Variants in LRRIQ1 observed in about 807,000 individuals in gnomAD.
LRRIQ1 encodes leucine rich repeats and IQ motif containing 1, also known as leucine-rich repeat- and IQ domain-containing protein 1.
Under a neutral mutation model 211.9 loss-of-function variants are expected in LRRIQ1, and 210 were observed. The observed-to-expected ratio is 0.99, with a 90% CI of 0.89 to 1.11. The LOEUF (loss-of-function observed/expected upper bound fraction) is 1.11, where lower values mean the gene tolerates loss of function less well. Ranked by LOEUF, LRRIQ1 falls within the 50% of genes most tolerant of loss-of-function variation. The pLI, the probability that LRRIQ1 is intolerant of heterozygous loss-of-function variation, is 0.00. For synonymous variants in LRRIQ1, 699 were observed against 650.1 expected (o/e 1.08, Z -1.14); for missense variants, 2,136 against 1,939.5 (o/e 1.10, Z -1.90).
At chr12:85,164,739 A>G (rs1233570489) in intron 24 of LRRIQ1, among the ~76,000 whole-genome samples, 1 of 152,202 alleles carries the variant, frequency 6.6e-6, no homozygotes, top group Non-Finnish European at 1.5e-5. Context: ...CAAGGTTTCT[A>G]CATAGAAAAC....
At chr12:85,054,361 C>T (rs1340030732) in intron 7 of LRRIQ1, among the ~76,000 whole-genome samples, 2 of 152,164 alleles carry the variant, frequency 1.3e-5, no homozygotes, top group Non-Finnish European at 2.9e-5. Flanking sequence ...AAAAGGAGCA[C>T]AGTAAAACTA....
chr12:85,202,230 A>AC (rs1213146710), intron 24 of LRRIQ1, among the ~76,000 whole-genome samples: 1 of 152,120 alleles, frequency 6.6e-6, no homozygotes, highest in Admixed American at 6.6e-5. Context: ...GTTTTAGAGT[A>AC]TGTGCCATAA....
At chr12:85,057,337 G>A (rs1420637413) in intron 8 of LRRIQ1, among the ~76,000 whole-genome samples, 153 bp downstream of exon 8, 1 of 151,872 alleles carries the variant, frequency 6.6e-6, no homozygotes, top group African/African-American at 2.4e-5. Context: ...ATTTGGGAGG[G>A]GATATATCTC....
At chr12:85,159,017 T>A (rs1009663985) in intron 23 of LRRIQ1, among the ~76,000 whole-genome samples, 2 of 152,024 alleles carry the variant, frequency 1.3e-5, no homozygotes, top group Non-Finnish European at 2.9e-5. Context: ...CTTATAATTA[T>A]CCCTTTGCAA....
At chr12:85,202,347 T>G (rs1337642954) in intron 24 of LRRIQ1, among the ~76,000 whole-genome samples, 1 of 152,184 alleles carries the variant, frequency 6.6e-6, no homozygotes, top group Non-Finnish European at 1.5e-5. Flanking sequence ...ATCTTTGTTT[T>G]CTGCCTTAAC....
the LRRIQ1 span, among the ~76,000 whole-genome samples, chr12:85,269,699 G>C: frequency 3.9e-5 from 6 of 151,962 alleles, no homozygotes; most frequent in Non-Finnish European, 7.4e-5. Flanking sequence ...GGAGCACTAT[G>C]ATGAGTCCTC....
chr12:85,047,048 T>C (rs1000025068), intron 5 of LRRIQ1, among the ~76,000 whole-genome samples, 199 bp from the exon 6 acceptor site: 21 of 151,854 alleles, frequency 1.4e-4, no homozygotes, highest in African/African-American at 3.9e-4. Flanking sequence ...ATATACCTAA[T>C]GTAAATGATG....
intron 24 of LRRIQ1, among the ~76,000 whole-genome samples, chr12:85,211,199 T>C (rs771115192): frequency 2.0e-5 from 3 of 152,208 alleles, no homozygotes; most frequent in Admixed American, 6.5e-5. Context: ...AGTCATGATA[T>C]AGAAAAACTT....
At chr12:85,080,125 G>T (rs1322748835) in intron 11 of LRRIQ1, among the ~76,000 whole-genome samples, 1 of 151,976 alleles carries the variant, frequency 6.6e-6, no homozygotes, top group African/African-American at 2.4e-5. Flanking sequence ...TTGAGGTATA[G>T]ACTTACCATT....
intron 1 of LRRIQ1, among the ~76,000 whole-genome samples, chr12:85,037,573 C>A (rs140779921): frequency 6.7e-6 from 1 of 150,148 alleles, no homozygotes; most frequent in African/African-American, 2.5e-5. Flanking sequence ...ATGGGTAGAA[C>A]TGATTTTGAG....
At chr12:85,146,045 G>C (rs1221121986) in intron 19 of LRRIQ1, among the ~76,000 whole-genome samples, 1 of 151,678 alleles carries the variant, frequency 6.6e-6, no homozygotes, top group East Asian at 1.9e-4. Flanking sequence ...ATGCAATTAA[G>C]GTTACTATCA....
chr12:85,269,014 GA>G (rs1280709146), downstream of LRRIQ1, among the ~76,000 whole-genome samples: 1 of 151,922 alleles, frequency 6.6e-6, no homozygotes, highest in Non-Finnish European at 1.5e-5. Flanking sequence ...AACTGACATT[GA>G]AGGATGAATT....
chr12:85,154,265 A>G (rs1169354024), intron 23 of LRRIQ1, among the ~76,000 whole-genome samples, 171 bp downstream of exon 23: 1 of 150,774 alleles, frequency 6.6e-6, no homozygotes, highest in African/African-American at 2.4e-5. Flanking sequence ...ATGCTATGCC[A>G]TTGAATGATT....
chr12:85,236,179 A>G (rs1468935458), intron 26 of LRRIQ1, among the ~76,000 whole-genome samples: 2 of 152,200 alleles, frequency 1.3e-5, no homozygotes, highest in Non-Finnish European at 2.9e-5. Context: ...AAAACAAGGA[A>G]TAATATCTTT....
intron 24 of LRRIQ1, among the ~76,000 whole-genome samples, chr12:85,177,325 G>T (rs1455219519): frequency 6.6e-6 from 1 of 152,088 alleles, no homozygotes; most frequent in Non-Finnish European, 1.5e-5. Context: ...AGAAGCAGGG[G>T]TTGGGGGTGA....
intron 26 of LRRIQ1, among the ~76,000 whole-genome samples, chr12:85,238,197 G>A (rs1004328295): frequency 1.3e-5 from 2 of 151,274 alleles, no homozygotes; most frequent in African/African-American, 4.9e-5. Context: ...AACAAAGCAA[G>A]ATAAACTCTC....
At position 85,154,053 on chromosome 12, in the gene LRRIQ1, G is replaced by T; in HGVS notation, c.4679G>T (p.Arg1560Met). The T allele has an allele frequency of 6.4e-7, 1 of 1,569,066 alleles. No individual in the cohort carries two copies. The highest frequency in any genetic ancestry group is 8.6e-7 in the Non-Finnish European group (1 of 1,157,006). ...TCTACTGCTCAGCAAATGTTGAAGAGGGCACAGAAAATGAAATCGAAGAAA... is the reference window on the plus strand; with the variant it reads ...TCTACTGCTCAGCAAATGTTGAAGATGGCACAGAAAATGAAATCGAAGAAA... The part of the protein sequence containing the change: ...DISTAQQMLK[R>M]AQKMKSKKLK... The change falls in exon 23 of 27, where the codon AGG (arginine) becomes ATG (methionine). Residue 1560 changes from arginine to methionine, a missense_variant. Arg to Met is a moderately conservative substitution (Grantham distance 91). Coordinates refer to ENST00000393217, the MANE Select transcript of LRRIQ1 (RefSeq NM_001079910.2).
chr12:85,107,209 T>A (rs1206011069), intron 15 of LRRIQ1, among the ~76,000 whole-genome samples: 1 of 152,144 alleles, frequency 6.6e-6, no homozygotes, highest in East Asian at 1.9e-4. Flanking sequence ...TTGACCACCA[T>A]CTTTTTTCAA....
At chr12:85,217,055 C>T (rs1894122021) in intron 24 of LRRIQ1, among the ~76,000 whole-genome samples, 1 of 151,806 alleles carries the variant, frequency 6.6e-6, no homozygotes, top group Non-Finnish European at 1.5e-5. Flanking sequence ...TTGCATAATG[C>T]AAACAGTATT....
Sources: allele counts gnomAD v4.1 joint callset (sites outside exome capture counted in the v4.1 genomes callset), GRCh38; gene constraint gnomAD v4.1.1; transcripts MANE v1.5; gene names NCBI Gene and HGNC (gene_info 2026-07-23, HGNC 2026-07-21).